The following RNF17 variants were observed in gnomAD, a reference collection of about 807,000 sequenced individuals.
The protein encoded by RNF17 is ring finger protein 17.
Under a neutral mutation model 200.5 loss-of-function variants are expected in RNF17, and 31 were observed. The observed-to-expected ratio is 0.15, with a 90% confidence interval of 0.12 to 0.21. The LOEUF is 0.21. Ranked by LOEUF, RNF17 falls within the 10% of genes least tolerant of loss-of-function variation. RNF17 has a pLI of 1.00. For synonymous variants in RNF17, 606 were observed against 637.8 expected, an observed-to-expected ratio of 0.95 and a Z score of 0.75; for missense variants, 1,628 against 1,905.1, an observed-to-expected ratio of 0.85 and a Z score of 2.71.
At chr13:24,870,310 A>G (rs1200544344) in intron 31 of RNF17, among the ~76,000 whole-genome samples, 1 of 151,752 alleles carries the variant, frequency 6.6e-6, no homozygotes, top group African/African-American at 2.4e-5. Context: ...TCTTGAACTC[A>G]TGAACTCAAG....
the RNF17 span, among the ~76,000 whole-genome samples, chr13:24,758,568 A>T: frequency 6.6e-6 from 1 of 152,192 alleles, no homozygotes; most frequent in African/African-American, 2.4e-5. Flanking sequence ...AATACAAAGC[A>T]CAAAGGCTGA....
In RNF17 at chr13:24,778,279, A is replaced by T. The variant is rs1881855405; in HGVS notation, c.318-16A>T. The T allele has an allele frequency of 6.7e-7, 1 of 1,494,140 alleles. No individual in the cohort carries two copies. Among genetic ancestry groups the T allele is most frequent in the South Asian group, 1.1e-5 (1 of 88,268 alleles). The allele number at this position is 1,494,140 out of a possible 1,614,324, so 92.6% of individuals were successfully genotyped here. A position where few individuals can be genotyped will look rare whatever the true frequency, so the allele number is the denominator to read the frequency against. On this transcript the variant is annotated splice_polypyrimidine_tract_variant and intron_variant, in intron 3 of 35. Transcript: ENST00000255324. ...CCTGTCACAAAAAATAAAATAATAT[A>T]CTTGATACTTTTCAGGATAAAGAAT... is the stretch of plus-strand genomic sequence containing the variant.
chr13:24,769,020 T>C (rs1234453267), intron 2 of RNF17, among the ~76,000 whole-genome samples: 2 of 135,740 alleles, frequency 1.5e-5, no homozygotes, highest in African/African-American at 2.8e-5. Context: ...GACATGGAGC[T>C]CCTTAGACGT....
At chr13:24,820,247 T>C (rs1423150553) in intron 15 of RNF17, among the ~76,000 whole-genome samples, 4 of 150,976 alleles carry the variant, frequency 2.6e-5, no homozygotes, top group Non-Finnish European at 5.9e-5. Flanking sequence ...CCAGCCTCCC[T>C]AGTAGCTGGG....
rs1892839474 is a variant in RNF17, at chr13:24,859,227, T to C, written c.3774+63T>C. The C allele has an allele frequency of 3.3e-6, 4 of 1,225,798 alleles. No homozygotes were observed. In the Admixed American group the frequency reaches 1.1e-4, roughly 32 times the overall value. The allele number at this position is 1,225,798 out of a possible 1,614,324, so 75.9% of individuals were successfully genotyped here. A position where few individuals can be genotyped will look rare whatever the true frequency, so the allele number is the denominator to read the frequency against. ...AATGCTATAGCATTAAATAGTCTTG[T>C]GCATTTGAACACGAGAAAGTTGGAT... On this transcript the variant is annotated intron_variant, in intron 26 of 35. Transcript: ENST00000255324.
chr13:24,764,218 T>C lies in RNF17; in HGVS notation c.15T>C (p.Ala5=), dbSNP rs1879199982. 3 of 1,598,378 alleles carry C rather than the reference T, an allele frequency of 1.9e-6. No individual in the cohort carries two copies. Among genetic ancestry groups the C allele is most frequent in the East Asian group, 2.2e-5 (1 of 44,576 alleles). ...AAGAGACAGCGATGGCGGCAGAGGC[T>C]TCGAAGACTGGGCCTTCTAGGTCTT... MAAE[A]SKTGPSRSSY... The change falls in exon 1 of 36, where the codon GCT becomes GCC. Residue 5 remains alanine, a synonymous_variant. Coordinates refer to ENST00000255324, the MANE Select transcript of RNF17 (RefSeq NM_031277.3).
chr13:24,806,557 G>C (rs183146566), intron 15 of RNF17, among the ~76,000 whole-genome samples: 4 of 152,232 alleles, frequency 2.6e-5, no homozygotes, highest in Admixed American at 6.5e-5. Context: ...TTGTGGTTTT[G>C]ATTTGCATTT....
chr13:24,855,993 T>G (rs1892438607), intron 25 of RNF17, among the ~76,000 whole-genome samples: 1 of 152,226 alleles, frequency 6.6e-6, no homozygotes, highest in Non-Finnish European at 1.5e-5. Flanking sequence ...CCTTCTTGGT[T>G]TTATGTGTTC....
At chr13:24,831,147 T>C (rs2138023892) in intron 17 of RNF17, among the ~76,000 whole-genome samples, 1 of 152,200 alleles carries the variant, frequency 6.6e-6, no homozygotes, top group Non-Finnish European at 1.5e-5. Flanking sequence ...AATTTTAAAA[T>C]ACAAATGAGC....
chr13:24,773,445 T>A (rs1174418786), intron 2 of RNF17, among the ~76,000 whole-genome samples: 1 of 152,168 alleles, frequency 6.6e-6, no homozygotes, highest in South Asian at 2.1e-4. Flanking sequence ...AGCAAATTAA[T>A]GCAGAAACAG....
intron 15 of RNF17, among the ~76,000 whole-genome samples, chr13:24,811,261 C>G (rs903315225): frequency 6.6e-6 from 1 of 151,730 alleles, no homozygotes; most frequent in Non-Finnish European, 1.5e-5. Context: ...CCATTCTCCC[C>G]GTCACTTTCA....
chr13:24,845,869 TG>T (rs1288163953), intron 22 of RNF17, among the ~76,000 whole-genome samples: 1 of 152,034 alleles, frequency 6.6e-6, no homozygotes, highest in Non-Finnish European at 1.5e-5. Context: ...AAGAAATTGC[TG>T]GGAATAGACT....
chr13:24,841,823 G>A (rs1023764875), intron 18 of RNF17, among the ~76,000 whole-genome samples: 7 of 152,042 alleles, frequency 4.6e-5, no homozygotes, highest in East Asian at 1.9e-4. Flanking sequence ...TTAGCCGGGC[G>A]TGGTGGCGCG....
intron 18 of RNF17, among the ~76,000 whole-genome samples, chr13:24,835,033 G>T (rs1420067997): frequency 6.6e-6 from 1 of 152,134 alleles, no homozygotes; most frequent in African/African-American, 2.4e-5. Context: ...GGCGCTGGGT[G>T]AGGCCTGTGA....
intron 23 of RNF17, 142 bp from the exon 24 acceptor site, chr13:24,851,314 T>C: frequency 1.5e-6 from 1 of 676,462 alleles, no homozygotes; most frequent in Non-Finnish European, 2.6e-6. Context: ...TTTGGATGTG[T>C]TTAGATATCA....
rs45521137 is a variant in RNF17, at chr13:24,794,389, C to G, written c.1240+1043C>G. 2,099 of 329,740 alleles carry G rather than the reference C, an allele frequency of 6.4e-3. 15 individuals are homozygous for G. Among genetic ancestry groups the G allele is most frequent in the Non-Finnish European group, 1.0e-2 (1,677 of 168,240 alleles). The allele number at this position is 329,740 out of a possible 1,614,324, so 20.4% of individuals were successfully genotyped here. The stretch of plus-strand genomic sequence containing the variant: ...TTTCTAATGTTAAAAGTTTTAATTC[C>G]GGGGCCAGACACCATGGCTCACACC... On this transcript the variant is annotated intron_variant, in intron 10 of 35. Transcript: ENST00000255324.
At chr13:24,749,661 T>C in the RNF17 span, among the ~76,000 whole-genome samples, 1 of 152,192 alleles carries the variant, frequency 6.6e-6, no homozygotes, top group African/African-American at 2.4e-5. Flanking sequence ...ACTTCCATTA[T>C]TGAGAACCCA....
chr13:24,846,844 A>G (rs773080239), intron 22 of RNF17, among the ~76,000 whole-genome samples: 118 of 152,220 alleles, frequency 7.8e-4, no homozygotes, highest in Non-Finnish European at 1.5e-3. Context: ...CTTGAAGCCA[A>G]TTGCATGTTA....
chr13:24,838,941 G>A (rs117591672), intron 18 of RNF17, among the ~76,000 whole-genome samples: 2,572 of 152,150 alleles, frequency 0.017, 34 homozygotes, highest in South Asian at 0.036. Context: ...TCCTCCAGAA[G>A]GCTCCTAGAA....
Sources: allele counts gnomAD v4.1 joint callset (sites outside exome capture counted in the v4.1 genomes callset), GRCh38; gene constraint gnomAD v4.1.1; transcripts MANE v1.5; gene names NCBI Gene and HGNC (gene_info 2026-07-23, HGNC 2026-07-21).